Variants in FGF14 observed in about 807,000 individuals in gnomAD.
The protein encoded by FGF14 is fibroblast growth factor homologous factor 4.
A neutral mutation model predicts 25.5 loss-of-function variants in FGF14; 5 were observed. The observed-to-expected ratio is 0.20, with a 90% CI of 0.10 to 0.41. The LOEUF is 0.41. Among genes scored for constraint, FGF14 ranks in the 10% least tolerant of loss-of-function variants. FGF14 has a pLI of 1.00. For synonymous variants in FGF14, 138 were observed against 118.3 expected (o/e 1.17, Z -1.08); for missense variants, 222 against 320.1 (o/e 0.69, Z 2.34).
chr13:102,367,714 C>T (rs1042562312), intron 1 of FGF14: 4 of 152,172 alleles, frequency 2.6e-5, no homozygotes, highest in Non-Finnish European at 5.9e-5. Context: ...ACTAAGTCTA[C>T]AGATCACCAA....
chr13:101,984,410 T>C (rs2038445429), intron 1 of FGF14, among the ~76,000 whole-genome samples: 1 of 152,154 alleles, frequency 6.6e-6, no homozygotes, highest in Non-Finnish European at 1.5e-5. Context: ...AAACTCTCTT[T>C]AAAAAATCTA....
chr13:101,905,951 C>G lies in FGF14; in HGVS notation c.193+10502G>C, dbSNP rs368466141. Among the ~76,000 whole-genome samples the G allele has an allele frequency of 3.9e-5, 6 of 152,244 alleles. No homozygotes were observed. In the South Asian group the frequency reaches 6.2e-4, roughly 16 times the overall value. On this transcript the variant is annotated intron_variant, in intron 1 of 4. Coordinates refer to ENST00000376143, the MANE Select transcript of FGF14 (RefSeq NM_004115.4). Reference sequence around the variant, plus strand: ...ATCCATGAAATGAAAATAATACCAACAACACCCTGTTGTTGGGAGAAGTAT... The same window carrying G: ...ATCCATGAAATGAAAATAATACCAAGAACACCCTGTTGTTGGGAGAAGTAT...
chr13:102,180,554 C>T, intron 1 of FGF14, among the ~76,000 whole-genome samples: 1 of 152,134 alleles, frequency 6.6e-6, no homozygotes, highest in Non-Finnish European at 1.5e-5. Flanking sequence ...CTCCAGTGAT[C>T]CTCCTGCTTA....
chr13:102,163,972 T>C (rs940401655), intron 1 of FGF14, among the ~76,000 whole-genome samples: 6 of 152,126 alleles, frequency 3.9e-5, no homozygotes, highest in African/African-American at 1.4e-4. Context: ...CGTTGTAGAT[T>C]ATCACGTTTT....
chr13:102,316,736 T>C (rs1346881338), intron 1 of FGF14, among the ~76,000 whole-genome samples: 4 of 152,216 alleles, frequency 2.6e-5, no homozygotes, highest in Non-Finnish European at 5.9e-5. Flanking sequence ...TGTTCAGATG[T>C]CCTGAAACAG....
intron 1 of FGF14, among the ~76,000 whole-genome samples, chr13:102,260,564 C>T (rs2052669576): frequency 6.6e-6 from 1 of 152,246 alleles, no homozygotes; most frequent in Non-Finnish European, 1.5e-5. Context: ...CAATTCACTA[C>T]AACATGCTAA....
intron 1 of FGF14, among the ~76,000 whole-genome samples, chr13:102,066,483 T>A (rs143248277): frequency 0.011 from 1,622 of 152,272 alleles, 27 homozygotes; most frequent in African/African-American, 0.037. Flanking sequence ...GTAAGGACAT[T>A]GACAAGCATG....
At chr13:101,881,027 T>C (rs1337268735) in intron 1 of FGF14, among the ~76,000 whole-genome samples, 2 of 152,192 alleles carry the variant, frequency 1.3e-5, no homozygotes, top group Non-Finnish European at 2.9e-5. Flanking sequence ...AGGTAAAGTA[T>C]ATTAAGAGAA....
intron 1 of FGF14, among the ~76,000 whole-genome samples, chr13:101,971,085 G>T (rs1321927219): frequency 6.6e-6 from 1 of 152,108 alleles, no homozygotes; most frequent in Admixed American, 6.5e-5. Context: ...CAGAGGATGG[G>T]TGGAAAGTTC....
At chr13:102,386,814 T>C (rs1236907711) in intron 1 of FGF14, among the ~76,000 whole-genome samples, 1 of 152,228 alleles carries the variant, frequency 6.6e-6, no homozygotes, top group Non-Finnish European at 1.5e-5. Context: ...CAAAGTTATG[T>C]TCATACAAAA....
chr13:102,288,266 G>A (rs1414648086), intron 1 of FGF14, among the ~76,000 whole-genome samples: 5 of 152,102 alleles, frequency 3.3e-5, no homozygotes, highest in Non-Finnish European at 5.9e-5. Context: ...CAAATAATGT[G>A]AGCCTTATTC....
At chr13:102,070,371 C>G (rs975131188) in intron 1 of FGF14, among the ~76,000 whole-genome samples, 1 of 152,148 alleles carries the variant, frequency 6.6e-6, no homozygotes, top group African/African-American at 2.4e-5. Context: ...ATCCAAAAGA[C>G]AGACAATAAC....
At chr13:101,847,393 T>A (rs1039980426) in intron 3 of FGF14, among the ~76,000 whole-genome samples, 2 of 152,030 alleles carry the variant, frequency 1.3e-5, no homozygotes, top group Non-Finnish European at 2.9e-5. Context: ...TAGGATAATT[T>A]TAGGTGCTAA....
In FGF14 at chr13:102,186,369, A is replaced by G. The variant is rs575700870; in HGVS notation, c.208+215102T>C. 3.3e-5 allele frequency among the ~76,000 whole-genome samples: 5 copies of G among 152,288 alleles called. No individual in the cohort carries two copies. In the South Asian group the frequency reaches 8.3e-4, roughly 25 times the overall value. On this transcript the variant is annotated intron_variant, in intron 1 of 4. Coordinates refer to the FGF14 transcript ENST00000376131. ...AGGAAAAAGATCTCACTGACTGCCA[A>G]TGTTGACAACTTATTTTTACAACAA...
intron 1 of FGF14, among the ~76,000 whole-genome samples, chr13:102,343,670 G>A (rs1383942679): frequency 6.6e-6 from 1 of 152,122 alleles, no homozygotes; most frequent in East Asian, 1.9e-4. Flanking sequence ...CCCTTTCTAC[G>A]AATTCTATGG....
At chr13:101,919,147 G>T (rs565189339), upstream of FGF14, among the ~76,000 whole-genome samples, 54 of 152,240 alleles carry the variant, frequency 3.5e-4, 1 homozygote, top group East Asian at 9.3e-3. Flanking sequence ...TATTGAGTGT[G>T]TCTGTTGTTT....
chr13:101,772,802 A>C (rs2038861848), intron 3 of FGF14, among the ~76,000 whole-genome samples: 1 of 152,280 alleles, frequency 6.6e-6, no homozygotes, highest in South Asian at 2.1e-4. Flanking sequence ...GTTTGGAAGA[A>C]GCATTTGAAG....
At chr13:102,245,568 C>A (rs890553059) in intron 1 of FGF14, among the ~76,000 whole-genome samples, 5 of 151,886 alleles carry the variant, frequency 3.3e-5, no homozygotes, top group Non-Finnish European at 7.4e-5. Context: ...TCCATAAACT[C>A]AAATTCAGCT....
intron 3 of FGF14, among the ~76,000 whole-genome samples, chr13:101,861,512 T>A (rs1285311788): frequency 2.6e-5 from 4 of 151,782 alleles, no homozygotes; most frequent in Non-Finnish European, 5.9e-5. Flanking sequence ...TATCTCTGAT[T>A]TTTTCCACCC....
Sources: allele counts gnomAD v4.1 joint callset (sites outside exome capture counted in the v4.1 genomes callset), GRCh38; gene constraint gnomAD v4.1.1; transcripts MANE v1.5; gene names NCBI Gene and HGNC (gene_info 2026-07-23, HGNC 2026-07-21).